The following DGKB variants were observed in gnomAD, a reference collection of about 807,000 sequenced individuals.
DGKB encodes the protein 90 kDa diacylglycerol kinase.
In DGKB, 67 loss-of-function variants were observed where a neutral mutation model predicts 114.3. The observed-to-expected ratio is 0.59, with a 90% CI of 0.48 to 0.72. The LOEUF is 0.72. DGKB is among the 30% of genes least tolerant of loss of function. The probability of loss-of-function intolerance (pLI) is 0.00; values close to 1 mark genes in which losing one functional copy is unlikely to be tolerated. For synonymous variants in DGKB, 398 were observed against 323.1 expected (o/e 1.23, Z -2.49); for missense variants, 907 against 975.2 (o/e 0.93, Z 0.93).
At chr7:14,209,154 G>GTAAC (rs1292123923) in intron 23 of DGKB, 1 of 266,178 alleles carries the variant, frequency 3.8e-6, no homozygotes, top group Admixed American at 5.3e-5. Flanking sequence ...ATAAGCCTGA[G>GTAAC]TAACTATTAC....
rs1429296992 is a variant in DGKB, at chr7:14,147,830, A to T, written c.*1301T>A. ...ACTAAAAGAAAAGTACTGTTCTGTG[A>T]TTTCTTTAAACAGTCAGAGACTCCA... On this transcript the variant is annotated 3_prime_UTR_variant, in exon 26 of 26. Coordinates refer to ENST00000402815, the MANE Select transcript of DGKB (RefSeq NM_001350709.2). 6.6e-6 allele frequency: 1 copy of T among 152,488 alleles called. No individual in the cohort carries two copies. Among genetic ancestry groups the T allele is most frequent in the Non-Finnish European group, 1.5e-5 (1 of 67,986 alleles). 9.4% of individuals were successfully genotyped at this position (152,488 alleles called of 1,614,324 possible).
chr7:14,853,385 A>C (rs1455107864), intron 1 of DGKB, among the ~76,000 whole-genome samples: 2 of 151,930 alleles, frequency 1.3e-5, no homozygotes, highest in African/African-American at 4.8e-5. Flanking sequence ...AAACATTTAC[A>C]ATATCATTTT....
intron 21 of DGKB, among the ~76,000 whole-genome samples, chr7:14,352,796 G>A (rs895622768): frequency 6.6e-6 from 1 of 151,958 alleles, no homozygotes; most frequent in African/African-American, 2.4e-5. Flanking sequence ...GGTGGCGCGT[G>A]CCTATAATCC....
At chr7:14,177,050 C>G (rs966064177) in intron 24 of DGKB, among the ~76,000 whole-genome samples, 151 bp from the exon 25 acceptor site, 11 of 152,130 alleles carry the variant, frequency 7.2e-5, no homozygotes, top group Non-Finnish European at 1.3e-4. Flanking sequence ...CAACTCTCCA[C>G]TATTAATAAA....
chr7:14,349,490 A>T (rs1451317164), intron 21 of DGKB, among the ~76,000 whole-genome samples: 1 of 152,170 alleles, frequency 6.6e-6, no homozygotes, highest in Non-Finnish European at 1.5e-5. Context: ...TGTTTCTATC[A>T]GTTATCCAAG....
intron 2 of DGKB, among the ~76,000 whole-genome samples, chr7:14,811,884 T>C (rs1328390666): frequency 2.2e-5 from 3 of 136,590 alleles, no homozygotes; most frequent in African/African-American, 9.3e-5. Context: ...CAGCACTATG[T>C]ATCTTTAGAA....
intron 21 of DGKB, among the ~76,000 whole-genome samples, chr7:14,400,526 G>A (rs1174084285): frequency 6.6e-6 from 1 of 151,758 alleles, no homozygotes; most frequent in Admixed American, 6.6e-5. Context: ...TGGAAAGCCT[G>A]TTCAGAAAGA....
At chr7:14,605,308 T>G (rs1052555821) in intron 17 of DGKB, among the ~76,000 whole-genome samples, 1 of 150,600 alleles carries the variant, frequency 6.6e-6, no homozygotes, top group African/African-American at 2.4e-5. Context: ...AAAATCTATA[T>G]TCTGTTACGT....
intron 1 of DGKB, among the ~76,000 whole-genome samples, chr7:14,866,664 T>C (rs887615493): frequency 3.9e-5 from 6 of 152,184 alleles, no homozygotes; most frequent in African/African-American, 1.4e-4. Flanking sequence ...TTTCAAGTTT[T>C]GGCAATTATT....
chr7:14,951,306 C>T (rs36890), intron 1 of DGKB, among the ~76,000 whole-genome samples: 150,982 of 152,140 alleles, frequency 0.99, 74,918 homozygotes, highest in East Asian at 1. Flanking sequence ...TATCCTTTAA[C>T]GGGTGAACGG....
At chr7:14,618,002 T>G (rs1309087651) in intron 15 of DGKB, among the ~76,000 whole-genome samples, 1 of 151,566 alleles carries the variant, frequency 6.6e-6, no homozygotes, top group Non-Finnish European at 1.5e-5. Flanking sequence ...AAGGTTGCTA[T>G]AATGCTCAAA....
chr7:14,289,038 T>C (rs535348526), intron 23 of DGKB, among the ~76,000 whole-genome samples: 4 of 152,222 alleles, frequency 2.6e-5, no homozygotes, highest in Admixed American at 6.5e-5. Context: ...TTCTTTGGCA[T>C]ACTTTTTCAG....
intron 3 of DGKB, among the ~76,000 whole-genome samples, chr7:14,755,939 T>C (rs1414067788): frequency 6.6e-6 from 1 of 152,106 alleles, no homozygotes; most frequent in Non-Finnish European, 1.5e-5. Context: ...AATAGATCTG[T>C]ACATTTATGA....
intron 20 of DGKB, among the ~76,000 whole-genome samples, chr7:14,523,876 C>T (rs1790195566): frequency 6.6e-6 from 1 of 152,096 alleles, no homozygotes; most frequent in Non-Finnish European, 1.5e-5. Flanking sequence ...TCTCTCTTTG[C>T]TAAACCCTAG....
chr7:14,464,280 A>T (rs1833527811), intron 21 of DGKB, among the ~76,000 whole-genome samples: 1 of 152,206 alleles, frequency 6.6e-6, no homozygotes, highest in Admixed American at 6.5e-5. Context: ...TGCAAACTAC[A>T]TGAATCACAG....
rs1011751492 is a variant in DGKB, at chr7:14,619,273, A to G, written c.1284+2105T>C. ...TTTTATATGTCAAAGAAAGTTATAA[A>G]AAGTTATTATCTGGTTAGAGAGATG... On this transcript the variant is annotated intron_variant, in intron 15 of 25. Transcript: ENST00000402815. Among the ~76,000 whole-genome samples the G allele has an allele frequency of 9.2e-5, 14 of 151,640 alleles. No homozygotes were observed. The Admixed American group carries it at 9.2e-4, about 10-fold the overall frequency.
intron 1 of DGKB, among the ~76,000 whole-genome samples, chr7:14,962,729 A>C (rs1231091192): frequency 6.6e-6 from 1 of 151,578 alleles, no homozygotes; most frequent in Non-Finnish European, 1.5e-5. Flanking sequence ...AGGCTAATAA[A>C]GTTTCTTACA....
At chr7:14,493,803 A>G (rs1784913753) in intron 20 of DGKB, among the ~76,000 whole-genome samples, 2 of 152,048 alleles carry the variant, frequency 1.3e-5, no homozygotes, top group African/African-American at 2.4e-5. Flanking sequence ...CGTGGAAAGC[A>G]CAACCACAGA....
At chr7:14,382,678 G>A (rs1819678538) in intron 21 of DGKB, among the ~76,000 whole-genome samples, 2 of 152,192 alleles carry the variant, frequency 1.3e-5, no homozygotes, top group Admixed American at 1.3e-4. Flanking sequence ...TTTTAAGAGA[G>A]AAGTATTTAT....
Sources: allele counts gnomAD v4.1 joint callset (sites outside exome capture counted in the v4.1 genomes callset), GRCh38; gene constraint gnomAD v4.1.1; transcripts MANE v1.5; gene names NCBI Gene and HGNC (gene_info 2026-07-23, HGNC 2026-07-21).